Variants in APBB2 observed in about 807,000 individuals in gnomAD.
APBB2 encodes amyloid beta precursor protein binding family B member 2, also known as Fe65-like 1.
Under a neutral mutation model 82.5 loss-of-function variants are expected in APBB2, and 38 were observed. The observed-to-expected ratio is 0.46, with a 90% CI of 0.36 to 0.60. APBB2 has a LOEUF of 0.60. APBB2 is among the 20% of genes least tolerant of loss of function. The pLI is 0.00. For synonymous variants in APBB2, 341 were observed against 368.2 expected, an observed-to-expected ratio of 0.93 and a Z score of 0.85; for missense variants, 772 against 972.3, an observed-to-expected ratio of 0.79 and a Z score of 2.74.
At chr4:41,201,479 T>C (rs1489996712) in intron 1 of APBB2, among the ~76,000 whole-genome samples, 1 of 152,244 alleles carries the variant, frequency 6.6e-6, no homozygotes, top group Admixed American at 6.5e-5. Context: ...TCTTGATTAC[T>C]TGCTCTATAT....
intron 6 of APBB2, among the ~76,000 whole-genome samples, chr4:40,988,007 C>T (rs973373557): frequency 2.0e-5 from 3 of 152,160 alleles, no homozygotes; most frequent in Admixed American, 6.5e-5. Context: ...ACCTCGCTGT[C>T]CTTGTCTGAA....
intron 6 of APBB2, among the ~76,000 whole-genome samples, chr4:40,996,676 A>G (rs893522615): frequency 6.6e-6 from 1 of 152,142 alleles, no homozygotes; most frequent in Non-Finnish European, 1.5e-5. Flanking sequence ...AAAATCTGAC[A>G]TATTTGATTC....
At chr4:40,998,429 T>A (rs1371505486) in intron 6 of APBB2, among the ~76,000 whole-genome samples, 2 of 152,214 alleles carry the variant, frequency 1.3e-5, no homozygotes, top group Non-Finnish European at 2.9e-5. Context: ...TCATTTCAGA[T>A]TCCACATTAA....
Position 40,812,500 on chromosome 4 carries a change from C to G in APBB2, c.*3592G>C, listed in dbSNP as rs1265091580. ...AAGCTGAAGTTAAACTTTCTACTGG[C>G]CGTGTGGCACACACGTTAGATGTGT... On this transcript the variant is annotated 3_prime_UTR_variant, in exon 18 of 18. Transcript: ENST00000508593. 6.6e-6 allele frequency: 1 copy of G among 152,210 alleles called. No individual in the cohort carries two copies. The highest frequency in any genetic ancestry group is 1.5e-5 in the Non-Finnish European group (1 of 68,052). 9.4% of individuals were successfully genotyped at this position (152,210 alleles called of 1,614,324 possible).
Position 41,198,031 on chromosome 4 carries a change from G to C in APBB2, c.-417+16374C>G. Among the ~76,000 whole-genome samples, 1,270 of 152,280 alleles carry C rather than the reference G, an allele frequency of 8.3e-3. 33 individuals are homozygous for C. Among genetic ancestry groups the C allele is most frequent in the African/African-American group, 0.029 (1,219 of 41,554 alleles). ...TTAATCCTTACAATAACCCTACTGA[G>C]AAAGGCGCTATTATTGTCTCCATTT... On this transcript the variant is annotated intron_variant, in intron 1 of 17. Coordinates refer to ENST00000508593, the MANE Select transcript of APBB2 (RefSeq NM_004307.2).
chr4:41,130,532 T>C (rs960316485), intron 2 of APBB2, among the ~76,000 whole-genome samples: 1 of 152,166 alleles, frequency 6.6e-6, no homozygotes, highest in African/African-American at 2.4e-5. Context: ...CTATCAGAAC[T>C]TGCAATCAGT....
intron 3 of APBB2, among the ~76,000 whole-genome samples, chr4:41,080,345 C>T (rs145730746): frequency 6.6e-6 from 1 of 152,260 alleles, no homozygotes; most frequent in East Asian, 1.9e-4. Flanking sequence ...TTAGAATGCA[C>T]TGTTGATGTG....
intron 12 of APBB2, among the ~76,000 whole-genome samples, chr4:40,869,404 A>G (rs1319365199): frequency 2.0e-5 from 3 of 151,920 alleles, no homozygotes; most frequent in Non-Finnish European, 4.4e-5. Context: ...TGGGCAATAT[A>G]GCAAGACCCC....
At chr4:41,041,102 G>C (rs141277955) in intron 4 of APBB2, among the ~76,000 whole-genome samples, 3 of 152,052 alleles carry the variant, frequency 2.0e-5, no homozygotes, top group Non-Finnish European at 2.9e-5. Context: ...GGATGGTCTC[G>C]ATCTCCTGAT....
intron 5 of APBB2, among the ~76,000 whole-genome samples, chr4:41,027,151 C>A (rs1330554601): frequency 6.6e-6 from 1 of 151,986 alleles, no homozygotes; most frequent in Admixed American, 6.6e-5. Flanking sequence ...TCAGCTGCAG[C>A]ACCCGATTAA....
At chr4:40,991,677 A>G (rs902458419) in intron 6 of APBB2, among the ~76,000 whole-genome samples, 2 of 151,992 alleles carry the variant, frequency 1.3e-5, no homozygotes, top group Non-Finnish European at 2.9e-5. Flanking sequence ...CACACCCTAG[A>G]CTTTTCACCC....
intron 10 of APBB2, among the ~76,000 whole-genome samples, chr4:40,928,822 T>C (rs1291212823): frequency 2.7e-5 from 4 of 150,572 alleles, no homozygotes; most frequent in Non-Finnish European, 4.4e-5. Context: ...AAGGCGGCGG[T>C]TGCAGTGAGC....
intron 4 of APBB2, among the ~76,000 whole-genome samples, chr4:41,062,686 C>G (rs544549579): frequency 2.6e-5 from 4 of 152,034 alleles, no homozygotes; most frequent in Admixed American, 2.0e-4. Flanking sequence ...TGTGTGCCCC[C>G]GGAAAAGCAG....
intron 10 of APBB2, among the ~76,000 whole-genome samples, chr4:40,909,991 T>C (rs1397165440): frequency 2.6e-5 from 4 of 152,222 alleles, no homozygotes; most frequent in Admixed American, 2.6e-4. Context: ...TGTCACAATG[T>C]AAATAAACAG....
intron 1 of APBB2, among the ~76,000 whole-genome samples, chr4:41,156,731 G>C (rs1763548043): frequency 6.6e-6 from 1 of 152,106 alleles, no homozygotes; most frequent in South Asian, 2.1e-4. Flanking sequence ...GTGATCTTAA[G>C]ACTCATCATT....
rs6835692 is a variant in APBB2 at position 41,157,421 on chromosome 4, C to T, written c.-416-14279G>A. Among the ~76,000 whole-genome samples the T allele has an allele frequency of 3.5e-3, 526 of 152,228 alleles. 5 individuals carry two copies. Among genetic ancestry groups the T allele is most frequent in the African/African-American group, 0.012 (488 of 41,532 alleles). Reference sequence around the variant, plus strand: ...AACTTTGTTTACCATTGAACTAGAGCGAAAGAAGCCCAATAATTCACCCCT... The same window carrying T: ...AACTTTGTTTACCATTGAACTAGAGTGAAAGAAGCCCAATAATTCACCCCT... On this transcript the variant is annotated intron_variant, in intron 1 of 17. Transcript: ENST00000508593.
chr4:41,166,417 A>G (rs1483990770), intron 1 of APBB2, among the ~76,000 whole-genome samples: 1 of 151,934 alleles, frequency 6.6e-6, no homozygotes, highest in East Asian at 1.9e-4. Flanking sequence ...TCTCTACAAA[A>G]AAATCAAAAA....
rs753553731 is a variant in APBB2, at chr4:40,934,716, C to T, written c.1108-17G>A. ...ATGCAAATCCTAGAGGAAAATAGAA[C>T]CTTGTTAATGTACAATGGGGGAGAA... On this transcript the variant is annotated splice_polypyrimidine_tract_variant and intron_variant, in intron 8 of 17. Transcript: ENST00000508593. The T allele has an allele frequency of 6.3e-6, 10 of 1,581,082 alleles. No individual in the cohort carries two copies. In the African/African-American group the frequency reaches 1.1e-4, roughly 17 times the overall value.
At chr4:40,874,255 C>A (rs1037457338) in intron 12 of APBB2, among the ~76,000 whole-genome samples, 1 of 152,154 alleles carries the variant, frequency 6.6e-6, no homozygotes, top group Admixed American at 6.5e-5. Flanking sequence ...ATACTATTTT[C>A]CCTGTTAACT....
Sources: gnomAD v4.1 joint callset for allele counts (sites outside exome capture counted in the v4.1 genomes callset) on GRCh38, gnomAD v4.1.1 for gene constraint, MANE v1.5 for transcripts, NCBI Gene and HGNC (gene_info 2026-07-23, HGNC 2026-07-21) for gene names.